The following DNASE1 variants were observed in gnomAD, a reference collection of about 807,000 sequenced individuals.
DNASE1 encodes the protein deoxyribonuclease-1.
DNASE1 carries 40 observed loss-of-function variants against 33.9 expected under a neutral mutation model. The ratio of observed to expected loss-of-function variants is 1.18; its 90% confidence interval spans 0.92 to 1.54. The LOEUF (loss-of-function observed/expected upper bound fraction) is 1.54, where lower values mean the gene tolerates loss of function less well. Ranked by LOEUF, DNASE1 falls within the 40% of genes most tolerant of loss-of-function variation. The pLI is 0.00. For synonymous variants in DNASE1, 216 were observed against 160.0 expected (o/e 1.35, Z -2.64); for missense variants, 518 against 372.6 (o/e 1.39, Z -3.21).
intron 1 of DNASE1, among the ~76,000 whole-genome samples, chr16:3,622,688 G>A (rs573551060): frequency 5.9e-5 from 9 of 152,286 alleles, no homozygotes; most frequent in South Asian, 4.1e-4. Flanking sequence ...CTGGGCTCAA[G>A]TGATCCCCCT....
Position 3,658,016 on chromosome 16 carries a change from GA to G in DNASE1, c.*70del, listed in dbSNP as rs1271307193. 8 of 1,611,326 alleles carry G rather than the reference GA, an allele frequency of 5.0e-6. No homozygotes were observed. The highest frequency in any genetic ancestry group is 1.7e-5 in the Admixed American group (1 of 59,460). On this transcript the variant is annotated 3_prime_UTR_variant, in exon 9 of 9. Transcript: ENST00000246949. ...AGGACCCATCCTGCCACAGGACCCA[GA>G]AAAAAAGCCCAACACACACTCGGGT...
intron 1 of DNASE1, among the ~76,000 whole-genome samples, chr16:3,646,589 G>A (rs779030991): frequency 2.6e-5 from 4 of 152,158 alleles, no homozygotes; most frequent in South Asian, 2.1e-4. Context: ...CAGGCAGAGC[G>A]GAAGGCTCAG....
chr16:3,663,315 T>G (rs1387367219), exon 10 of DNASE1: 5 of 1,454,924 alleles, frequency 3.4e-6, no homozygotes, highest in Middle Eastern at 2.0e-4. Context: ...CGGGGGTGGC[T>G]GAGCCCAGGT....
chr16:3,635,148 TAAAA>T (rs112370028), intron 1 of DNASE1, among the ~76,000 whole-genome samples: 44 of 152,100 alleles, frequency 2.9e-4, no homozygotes, highest in African/African-American at 1.0e-3. Flanking sequence ...AACAAACTGT[TAAAA>T]ATAAGTTAAA....
intron 1 of DNASE1, among the ~76,000 whole-genome samples, chr16:3,621,078 G>A (rs2041294349): frequency 6.6e-6 from 1 of 152,076 alleles, no homozygotes; most frequent in Admixed American, 6.6e-5. Flanking sequence ...GATTACAGGT[G>A]TGAGCCACTG....
At chr16:3,658,520 T>TAAAATACAA (rs2042858132), downstream of DNASE1, 1 of 568,228 alleles carries the variant, frequency 1.8e-6, no homozygotes, top group African/African-American at 1.9e-5. Flanking sequence ...CCATCTCTAC[T>TAAAATACAA]AAAATACAAA....
chr16:3,632,776 G>A (rs372784170), intron 1 of DNASE1, among the ~76,000 whole-genome samples: 21 of 151,946 alleles, frequency 1.4e-4, no homozygotes, highest in African/African-American at 4.6e-4. Context: ...AGTAAAGACG[G>A]GGTTTTACCA....
At chr16:3,648,542 C>T (rs559579468) in intron 1 of DNASE1, among the ~76,000 whole-genome samples, 4 of 152,168 alleles carry the variant, frequency 2.6e-5, no homozygotes, top group Admixed American at 6.6e-5. Context: ...CTCGCGTGAA[C>T]CCCAGAGGCA....
chr16:3,651,961 A>C (rs965292425), upstream of DNASE1: 4 of 152,440 alleles, frequency 2.6e-5, no homozygotes, highest in African/African-American at 9.6e-5. Flanking sequence ...AGGAAGACAT[A>C]GAGGCTCCAG....
At chr16:3,619,529 A>G (rs1208194439) in intron 1 of DNASE1, among the ~76,000 whole-genome samples, 1 of 146,650 alleles carries the variant, frequency 6.8e-6, no homozygotes, top group East Asian at 2.1e-4. Flanking sequence ...GCCTAGCTCC[A>G]TTTTTGTATT....
At chr16:3,611,831 A>C (rs2040888000) in exon 1 of DNASE1, 1 of 152,246 alleles carries the variant, frequency 6.6e-6, no homozygotes, top group African/African-American at 2.4e-5. Flanking sequence ...AGTTTAAGGC[A>C]CTGTGGCAGC....
chr16:3,643,935 G>A (rs1232131040), intron 1 of DNASE1, among the ~76,000 whole-genome samples: 2 of 151,814 alleles, frequency 1.3e-5, no homozygotes, highest in Non-Finnish European at 2.9e-5. Context: ...TAATTTTTTT[G>A]TATTTTTAGT....
chr16:3,658,204 A>G (rs748790554), downstream of DNASE1: 38 of 1,613,896 alleles, frequency 2.4e-5, no homozygotes, highest in Admixed American at 5.8e-4. Context: ...CAACAAGTCC[A>G]GCAGCAATCA....
chr16:3,627,409 C>T (rs952030931), intron 1 of DNASE1, among the ~76,000 whole-genome samples: 1 of 151,850 alleles, frequency 6.6e-6, no homozygotes, highest in Non-Finnish European at 1.5e-5. Flanking sequence ...GAGTATGGGA[C>T]TATGGGTGTG....
At chr16:3,645,148 A>G (rs2042135009) in intron 1 of DNASE1, among the ~76,000 whole-genome samples, 1 of 152,092 alleles carries the variant, frequency 6.6e-6, no homozygotes, top group Non-Finnish European at 1.5e-5. Context: ...AAAAGAAAAA[A>G]AAAAGTAAAA....
At chr16:3,634,565 A>G (rs1465425191) in intron 1 of DNASE1, among the ~76,000 whole-genome samples, 1 of 152,064 alleles carries the variant, frequency 6.6e-6, no homozygotes, top group Non-Finnish European at 1.5e-5. Flanking sequence ...GCTGGAATAT[A>G]GTGGTGCGAT....
intron 1 of DNASE1, among the ~76,000 whole-genome samples, chr16:3,629,330 T>G (rs1272074691): frequency 6.6e-6 from 1 of 152,180 alleles, no homozygotes; most frequent in Non-Finnish European, 1.5e-5. Flanking sequence ...ATGCCTTTGC[T>G]GCAGCAATTG....
intron 1 of DNASE1, among the ~76,000 whole-genome samples, chr16:3,624,268 C>CA (rs768493205): frequency 0.052 from 3,766 of 72,256 alleles, 123 homozygotes; most frequent in African/African-American, 0.16. Context: ...GACTCTGTCT[C>CA]AAAAAAAAAA....
At chr16:3,655,138 G>A (rs2042509750) in intron 1 of DNASE1, 94 bp downstream of exon 1, 1 of 609,110 alleles carries the variant, frequency 1.6e-6, no homozygotes, top group Non-Finnish European at 2.9e-6. Context: ...GTGAGGCGGA[G>A]GCTCCAGCGT....
Sources: gnomAD v4.1 joint callset for allele counts (sites outside exome capture counted in the v4.1 genomes callset) on GRCh38, gnomAD v4.1.1 for gene constraint, MANE v1.5 for transcripts, NCBI Gene and HGNC (gene_info 2026-07-23, HGNC 2026-07-21) for gene names.